The following LDLRAD4 variants were observed in gnomAD, a reference collection of about 807,000 sequenced individuals.
LDLRAD4 encodes the protein low-density lipoprotein receptor class A domain-containing protein 4.
Under a neutral mutation model 17.0 loss-of-function variants are expected in LDLRAD4, and 5 were observed. That is an observed-to-expected ratio of 0.29 (90% CI 0.15 to 0.62). LDLRAD4 has a LOEUF of 0.62. Among genes scored for constraint, LDLRAD4 ranks in the 20% least tolerant of loss-of-function variants. The probability of loss-of-function intolerance (pLI) is 0.84; values close to 1 mark genes in which losing one functional copy is unlikely to be tolerated. For synonymous variants in LDLRAD4, 168 were observed against 171.8 expected (o/e 0.98, Z 0.17); for missense variants, 340 against 424.7 (o/e 0.80, Z 1.75).
chr18:13,447,703 T>C (rs758570297), intron 3 of LDLRAD4, among the ~76,000 whole-genome samples: 3 of 152,166 alleles, frequency 2.0e-5, no homozygotes, highest in Non-Finnish European at 4.4e-5. Context: ...GCAACAATGA[T>C]AGTAATTTTC....
chr18:13,228,499 T>C (rs1347267157), intron 1 of LDLRAD4, among the ~76,000 whole-genome samples: 1 of 152,226 alleles, frequency 6.6e-6, no homozygotes, highest in Non-Finnish European at 1.5e-5. Flanking sequence ...CAGTCCCTGC[T>C]TTCCTAGTGG....
intron 4 of LDLRAD4, among the ~76,000 whole-genome samples, chr18:13,640,675 G>A (rs528391654): frequency 3.3e-5 from 5 of 152,356 alleles, no homozygotes; most frequent in Middle Eastern, 6.8e-3. Context: ...GGCTTGGCCC[G>A]GGCAGCAAGG....
chr18:13,298,316 T>C (rs1191131594), intron 1 of LDLRAD4, among the ~76,000 whole-genome samples: 1 of 139,106 alleles, frequency 7.2e-6, no homozygotes, highest in African/African-American at 2.7e-5. Flanking sequence ...CACGGTGATG[T>C]TGCTGCTCCG....
intron 4 of LDLRAD4, among the ~76,000 whole-genome samples, chr18:13,625,694 C>T (rs1201514223): frequency 2.7e-5 from 4 of 146,026 alleles, no homozygotes; most frequent in Non-Finnish European, 6.0e-5. Flanking sequence ...GCGCCCTCCT[C>T]CCCCCGCCAG....
chr18:13,276,352 A>G (rs1172861556), upstream of LDLRAD4, among the ~76,000 whole-genome samples: 1 of 152,192 alleles, frequency 6.6e-6, no homozygotes, highest in Non-Finnish European at 1.5e-5. Flanking sequence ...CTGTGTAACA[A>G]ATTATTATAA....
At chr18:13,618,895 C>T (rs747838311) in intron 3 of LDLRAD4, among the ~76,000 whole-genome samples, 29 of 152,216 alleles carry the variant, frequency 1.9e-4, no homozygotes, top group Non-Finnish European at 2.8e-4. Context: ...TTGTCCTGAG[C>T]GGAGTCTCTC....
intron 1 of LDLRAD4, among the ~76,000 whole-genome samples, chr18:13,316,282 T>G (rs961510197): frequency 6.6e-6 from 1 of 152,170 alleles, no homozygotes; most frequent in Admixed American, 6.5e-5. Flanking sequence ...GACAGCTGAC[T>G]TTTCCACAGA....
intron 1 of LDLRAD4, among the ~76,000 whole-genome samples, chr18:13,290,477 A>G (rs12962609): frequency 1.6e-4 from 25 of 152,080 alleles, no homozygotes; most frequent in African/African-American, 5.8e-4. Context: ...GGCTGGAAGA[A>G]TTGATAGCTA....
At chr18:13,479,136 T>A (rs181463482) in intron 3 of LDLRAD4, among the ~76,000 whole-genome samples, 1 of 152,200 alleles carries the variant, frequency 6.6e-6, no homozygotes, top group African/African-American at 2.4e-5. Context: ...TCAAAATAGA[T>A]CACAGGCTTA....
chr18:13,556,609 A>G (rs1601357386), intron 3 of LDLRAD4, among the ~76,000 whole-genome samples: 1 of 152,236 alleles, frequency 6.6e-6, no homozygotes, highest in Non-Finnish European at 1.5e-5. Context: ...GCTTCACAGA[A>G]CAGGGAGTAC....
intron 3 of LDLRAD4, among the ~76,000 whole-genome samples, chr18:13,451,947 C>A (rs1243017834): frequency 6.6e-6 from 1 of 152,160 alleles, no homozygotes; most frequent in African/African-American, 2.4e-5. Context: ...AGCAGTGCTT[C>A]CCATTTCTTA....
At chr18:13,444,597 G>A (rs879451220) in intron 3 of LDLRAD4, among the ~76,000 whole-genome samples, 2 of 152,164 alleles carry the variant, frequency 1.3e-5, no homozygotes, top group African/African-American at 2.4e-5. Flanking sequence ...TCAAAGGTCA[G>A]CTGCACATAG....
chr18:13,274,026 G>T (rs1485681580), upstream of LDLRAD4, among the ~76,000 whole-genome samples: 1 of 152,154 alleles, frequency 6.6e-6, no homozygotes, highest in Non-Finnish European at 1.5e-5. Context: ...GGTGCCATAG[G>T]GTATGGCGTG....
intron 3 of LDLRAD4, among the ~76,000 whole-genome samples, chr18:13,573,135 C>T (rs1488039101): frequency 1.3e-5 from 2 of 152,126 alleles, no homozygotes; most frequent in Non-Finnish European, 2.9e-5. Flanking sequence ...GACGGAGTCT[C>T]GCTCTGTTGC....
At chr18:13,262,697 G>A (rs1347080104) in intron 1 of LDLRAD4, among the ~76,000 whole-genome samples, 1 of 100,786 alleles carries the variant, frequency 9.9e-6, no homozygotes, top group Non-Finnish European at 1.8e-5. Flanking sequence ...GTCCCGTGCG[G>A]CCCTGTGTGT....
intron 1 of LDLRAD4, among the ~76,000 whole-genome samples, chr18:13,295,737 G>A (rs1024940486): frequency 6.6e-6 from 1 of 152,238 alleles, no homozygotes; most frequent in Admixed American, 6.5e-5. Flanking sequence ...CATAGCTGCT[G>A]TGGCTTAAAT....
At chr18:13,532,772 G>C (rs1027914701) in intron 3 of LDLRAD4, among the ~76,000 whole-genome samples, 2 of 152,226 alleles carry the variant, frequency 1.3e-5, no homozygotes, top group African/African-American at 4.8e-5. Flanking sequence ...GAAATAGTTT[G>C]CAGTCCTGGT....
At chr18:13,409,967 A>G (rs2088166410) in intron 2 of LDLRAD4, among the ~76,000 whole-genome samples, 1 of 152,186 alleles carries the variant, frequency 6.6e-6, no homozygotes, top group South Asian at 2.1e-4. Flanking sequence ...CAGCAACAAT[A>G]AACATACCCA....
chr18:13,595,246 C>CT (rs1229146845), intron 3 of LDLRAD4, among the ~76,000 whole-genome samples: 9 of 152,046 alleles, frequency 5.9e-5, no homozygotes, highest in Admixed American at 5.2e-4. Context: ...TTATTTCCTT[C>CT]TTTTTTTCTT....
Sources: gnomAD v4.1 joint callset for allele counts (sites outside exome capture counted in the v4.1 genomes callset) on GRCh38, gnomAD v4.1.1 for gene constraint, MANE v1.5 for transcripts, NCBI Gene and HGNC (gene_info 2026-07-23, HGNC 2026-07-21) for gene names.